Variants in CTNND2 observed in about 807,000 individuals in gnomAD.
CTNND2 encodes catenin delta 2.
In CTNND2, 22 loss-of-function variants were observed where a neutral mutation model predicts 144.4. The observed-to-expected ratio is 0.15, with a 90% CI of 0.11 to 0.22. CTNND2 has a LOEUF of 0.22. Among genes scored for constraint, CTNND2 ranks in the 10% least tolerant of loss-of-function variants. The pLI is 1.00. For synonymous variants in CTNND2, 751 were observed against 695.6 expected (o/e 1.08, Z -1.25); for missense variants, 1,353 against 1,618.8 (o/e 0.84, Z 2.82).
intron 9 of CTNND2, among the ~76,000 whole-genome samples, chr5:11,293,019 A>G (rs1748525072): frequency 6.6e-6 from 1 of 152,190 alleles, no homozygotes; most frequent in South Asian, 2.1e-4. Context: ...TCCTTCGCAA[A>G]CTTAGAGTTA....
At chr5:11,640,960 T>C (rs543516031) in intron 2 of CTNND2, among the ~76,000 whole-genome samples, 1 of 152,288 alleles carries the variant, frequency 6.6e-6, no homozygotes, top group African/African-American at 2.4e-5. Flanking sequence ...TTACTGAGTA[T>C]ATCGTTCATT....
chr5:11,007,586 A>G (rs1469727394), intron 18 of CTNND2, among the ~76,000 whole-genome samples: 1 of 152,270 alleles, frequency 6.6e-6, no homozygotes, highest in Non-Finnish European at 1.5e-5. Flanking sequence ...TCCAGCTACA[A>G]AACGGAGTCT....
At chr5:11,857,331 C>A (rs996304602) in intron 1 of CTNND2, among the ~76,000 whole-genome samples, 1 of 151,896 alleles carries the variant, frequency 6.6e-6, no homozygotes, top group African/African-American at 2.4e-5. Flanking sequence ...GCATGTGTGG[C>A]GATACAAAGG....
At chr5:11,395,696 T>C (rs954809903) in intron 6 of CTNND2, among the ~76,000 whole-genome samples, 1 of 152,256 alleles carries the variant, frequency 6.6e-6, no homozygotes, top group Non-Finnish European at 1.5e-5. Flanking sequence ...TGTGAGAAGG[T>C]AAGACTTACA....
intron 9 of CTNND2, among the ~76,000 whole-genome samples, chr5:11,310,243 A>G (rs561338612): frequency 1.3e-5 from 2 of 152,190 alleles, no homozygotes; most frequent in South Asian, 4.2e-4. Context: ...GGGGTCTGAC[A>G]GCTTTTAGTG....
intron 3 of CTNND2, among the ~76,000 whole-genome samples, chr5:11,435,720 T>C (rs1285564792): frequency 1.3e-5 from 2 of 152,224 alleles, no homozygotes. Flanking sequence ...GTATTTATAA[T>C]GCAAATATTG....
At chr5:11,418,641 G>A (rs1762097621) in intron 3 of CTNND2, among the ~76,000 whole-genome samples, 1 of 152,176 alleles carries the variant, frequency 6.6e-6, no homozygotes, top group Non-Finnish European at 1.5e-5. Flanking sequence ...TGATGACGAA[G>A]ATGAAGCCTG....
chr5:11,711,591 T>C (rs888471213), intron 2 of CTNND2, among the ~76,000 whole-genome samples: 3 of 152,214 alleles, frequency 2.0e-5, no homozygotes, highest in Admixed American at 2.0e-4. Context: ...TTAAGCTCTT[T>C]AGCTATATTA....
chr5:11,024,313 A>T (rs963650789), intron 16 of CTNND2, among the ~76,000 whole-genome samples: 1 of 152,224 alleles, frequency 6.6e-6, no homozygotes, highest in African/African-American at 2.4e-5. Context: ...CATTCACTTG[A>T]TGATAGCTGA....
At chr5:11,382,177 T>C (rs1341120978) in intron 7 of CTNND2, among the ~76,000 whole-genome samples, 2 of 152,206 alleles carry the variant, frequency 1.3e-5, no homozygotes, top group Non-Finnish European at 1.5e-5. Flanking sequence ...GAGCCTTCCC[T>C]GGCCATCTAT....
At chr5:11,078,861 C>T (rs572187132) in intron 16 of CTNND2, among the ~76,000 whole-genome samples, 1 of 152,324 alleles carries the variant, frequency 6.6e-6, no homozygotes, top group Non-Finnish European at 1.5e-5. Context: ...ACACAATTCA[C>T]AGATAACCCT....
chr5:11,844,782 C>G (rs10035346), intron 1 of CTNND2, among the ~76,000 whole-genome samples: 10,307 of 152,142 alleles, frequency 0.068, 820 homozygotes, highest in African/African-American at 0.2. Flanking sequence ...TTCCTGGCAA[C>G]CTACTTTCTT....
chr5:11,530,112 C>G (rs1251962340), intron 3 of CTNND2, among the ~76,000 whole-genome samples: 1 of 149,828 alleles, frequency 6.7e-6, no homozygotes, highest in East Asian at 1.9e-4. Flanking sequence ...TTGATTTTAA[C>G]TCCATAAGTG....
chr5:11,755,160 T>G (rs2126793378), intron 1 of CTNND2, among the ~76,000 whole-genome samples: 2 of 151,882 alleles, frequency 1.3e-5, no homozygotes, highest in East Asian at 3.9e-4. Flanking sequence ...CCTCAGCATC[T>G]GCTTGTCTGA....
At chr5:11,262,936 G>A (rs949487410) in intron 9 of CTNND2, among the ~76,000 whole-genome samples, 6 of 151,880 alleles carry the variant, frequency 4.0e-5, no homozygotes, top group Non-Finnish European at 5.9e-5. Context: ...TTTTCCTGCC[G>A]AGAATCGTTT....
intron 2 of CTNND2, among the ~76,000 whole-genome samples, chr5:11,583,459 A>C (rs1177767201): frequency 6.6e-6 from 1 of 152,226 alleles, no homozygotes; most frequent in African/African-American, 2.4e-5. Context: ...AGGGAGGGTC[A>C]GCTTCAGTTA....
intron 10 of CTNND2, among the ~76,000 whole-genome samples, chr5:11,207,940 A>G (rs1184875050): frequency 6.6e-6 from 1 of 152,220 alleles, no homozygotes; most frequent in Non-Finnish European, 1.5e-5. Context: ...GACTCAGATT[A>G]TCAAGATTGA....
At chr5:11,638,071 T>C (rs533800087) in intron 2 of CTNND2, among the ~76,000 whole-genome samples, 1 of 152,354 alleles carries the variant, frequency 6.6e-6, no homozygotes, top group South Asian at 2.1e-4. Flanking sequence ...GTTTTGTTAA[T>C]ATATTCTTAG....
At chr5:11,662,193 A>ATG (rs201526442) in intron 2 of CTNND2, among the ~76,000 whole-genome samples, 4 of 138,796 alleles carry the variant, frequency 2.9e-5, no homozygotes, top group African/African-American at 1.1e-4. Context: ...ATGTGTATAT[A>ATG]TGTGTATATA....
Sources: gnomAD v4.1 joint callset for allele counts (sites outside exome capture counted in the v4.1 genomes callset) on GRCh38, gnomAD v4.1.1 for gene constraint, MANE v1.5 for transcripts, NCBI Gene and HGNC (gene_info 2026-07-23, HGNC 2026-07-21) for gene names.